The following CDH12 variants were observed in gnomAD, a reference collection of about 807,000 sequenced individuals.
CDH12 encodes the protein cadherin 12, also known as cadherin-12.
Under a neutral mutation model 74.1 loss-of-function variants are expected in CDH12, and 41 were observed. The observed-to-expected ratio is 0.55, with a 90% CI of 0.43 to 0.72. CDH12 has a LOEUF of 0.72. Among genes scored for constraint, CDH12 ranks in the 30% least tolerant of loss-of-function variants. The probability of loss-of-function intolerance (pLI) is 0.00; values close to 1 mark genes in which losing one functional copy is unlikely to be tolerated. For missense variants in CDH12, 945 were observed against 977.2 expected (o/e 0.97, Z 0.44); for synonymous variants, 399 against 355.0 (o/e 1.12, Z -1.39).
chr5:21,829,643 G>GA (rs1748893131), intron 8 of CDH12, among the ~76,000 whole-genome samples: 1 of 152,120 alleles, frequency 6.6e-6, no homozygotes, highest in South Asian at 2.1e-4. Flanking sequence ...AGGCAAATAT[G>GA]AAATAGAGAA....
At chr5:21,881,369 T>A (rs190363248) in intron 6 of CDH12, among the ~76,000 whole-genome samples, 45 of 152,310 alleles carry the variant, frequency 3.0e-4, no homozygotes, top group African/African-American at 1.1e-3. Context: ...ATTTGCACCA[T>A]TTCTATAAAT....
At chr5:22,478,226 G>A (rs1192802771) in intron 2 of CDH12, among the ~76,000 whole-genome samples, 1 of 151,886 alleles carries the variant, frequency 6.6e-6, no homozygotes, top group African/African-American at 2.4e-5. Flanking sequence ...AGACCATCCT[G>A]GCTAACACCG....
chr5:22,086,845 C>T (rs766545623), intron 4 of CDH12, among the ~76,000 whole-genome samples: 1 of 152,114 alleles, frequency 6.6e-6, no homozygotes, highest in African/African-American at 2.4e-5. Context: ...AAATCGATCA[C>T]ATCTTTATTT....
chr5:22,553,604 G>A (rs1009123119), intron 1 of CDH12, among the ~76,000 whole-genome samples: 1 of 151,860 alleles, frequency 6.6e-6, no homozygotes, highest in Non-Finnish European at 1.5e-5. Flanking sequence ...ACTAAACAAC[G>A]CTGGTGAAAG....
intron 2 of CDH12, among the ~76,000 whole-genome samples, chr5:22,476,349 T>C (rs1746169394): frequency 6.6e-6 from 1 of 151,922 alleles, no homozygotes; most frequent in Non-Finnish European, 1.5e-5. Context: ...TATTGTTTAT[T>C]GAATGGTACA....
intron 1 of CDH12, among the ~76,000 whole-genome samples, chr5:22,636,607 G>A (rs1346695089): frequency 2.0e-5 from 3 of 152,182 alleles, no homozygotes; most frequent in Non-Finnish European, 4.4e-5. Context: ...ATATAAAAAT[G>A]TCTAGAATAG....
At chr5:22,623,432 A>C (rs983503720) in intron 1 of CDH12, among the ~76,000 whole-genome samples, 4 of 152,172 alleles carry the variant, frequency 2.6e-5, no homozygotes, top group Admixed American at 6.5e-5. Flanking sequence ...CTCAACCCAA[A>C]ATCTCCTTAA....
chr5:22,093,333 C>T (rs186399231), intron 4 of CDH12, among the ~76,000 whole-genome samples: 2 of 152,206 alleles, frequency 1.3e-5, no homozygotes. Context: ...GGGTTTGGAG[C>T]TCATGGGTCT....
intron 5 of CDH12, among the ~76,000 whole-genome samples, chr5:22,026,698 A>G (rs1418688265): frequency 2.0e-5 from 3 of 152,136 alleles, no homozygotes; most frequent in Non-Finnish European, 4.4e-5. Context: ...ACTTATCCAT[A>G]TAGTGTGTGA....
chr5:22,595,937 T>A (rs28689098), intron 1 of CDH12, among the ~76,000 whole-genome samples: 47,971 of 146,198 alleles, frequency 0.33, 8,205 homozygotes, highest in African/African-American at 0.43. Flanking sequence ...TAAATAAAAA[T>A]AAATAAAAAA....
intron 4 of CDH12, among the ~76,000 whole-genome samples, chr5:22,164,666 C>T (rs1054954637): frequency 1.4e-4 from 22 of 152,076 alleles, no homozygotes; most frequent in African/African-American, 4.6e-4. Flanking sequence ...GTTTATATCC[C>T]GATCCTTGTC....
At chr5:22,162,643 TA>T (rs1248766157) in intron 4 of CDH12, among the ~76,000 whole-genome samples, 1 of 152,050 alleles carries the variant, frequency 6.6e-6, no homozygotes, top group Non-Finnish European at 1.5e-5. Flanking sequence ...TTTTTAAAAA[TA>T]ACATCATGCA....
chr5:22,362,043 C>T (rs1740826710), intron 3 of CDH12, among the ~76,000 whole-genome samples: 1 of 152,098 alleles, frequency 6.6e-6, no homozygotes, highest in Non-Finnish European at 1.5e-5. Context: ...GTCTAAAACA[C>T]CAAAAGCAAA....
intron 5 of CDH12, among the ~76,000 whole-genome samples, chr5:22,063,829 G>A (rs1035359519): frequency 7.9e-5 from 12 of 152,090 alleles, no homozygotes; most frequent in African/African-American, 2.9e-4. Flanking sequence ...AAGCAAGAAG[G>A]TATTCTGCCA....
chr5:22,139,950 T>C (rs1746692948), intron 4 of CDH12, among the ~76,000 whole-genome samples: 2 of 152,034 alleles, frequency 1.3e-5, no homozygotes, highest in South Asian at 4.1e-4. Flanking sequence ...CAGTTCATCA[T>C]GAAGAACTAC....
chr5:22,725,511 G>T (rs1030407440), intron 1 of CDH12, among the ~76,000 whole-genome samples: 7 of 151,862 alleles, frequency 4.6e-5, no homozygotes, highest in Middle Eastern at 3.4e-3. Context: ...TTGGGCTGCT[G>T]TAACAAAATA....
chr5:22,093,396 G>T (rs1002445289), intron 4 of CDH12, among the ~76,000 whole-genome samples: 1 of 152,086 alleles, frequency 6.6e-6, no homozygotes, highest in East Asian at 1.9e-4. Context: ...TCTACATTTA[G>T]CTCATTTACA....
At chr5:22,765,408 T>C (rs1187503158) in intron 1 of CDH12, among the ~76,000 whole-genome samples, 1 of 151,994 alleles carries the variant, frequency 6.6e-6, no homozygotes, top group African/African-American at 2.4e-5. Flanking sequence ...TCTTTATTGT[T>C]ATTGGAGAGA....
intron 6 of CDH12, chr5:21,889,692 C>T (rs1752808345): frequency 3.0e-6 from 3 of 984,962 alleles, no homozygotes; most frequent in Non-Finnish European, 3.6e-6. Context: ...AAGTATTCTC[C>T]AGTTCTTCTG....
Sources: gnomAD v4.1 joint callset for allele counts (sites outside exome capture counted in the v4.1 genomes callset) on GRCh38, gnomAD v4.1.1 for gene constraint, MANE v1.5 for transcripts, NCBI Gene and HGNC (gene_info 2026-07-23, HGNC 2026-07-21) for gene names.